The following XKR6 variants were observed in gnomAD, a reference collection of about 807,000 sequenced individuals.
XKR6 encodes the protein XK related 6.
In XKR6, 22 loss-of-function variants were observed where a neutral mutation model predicts 56.7. The observed-to-expected ratio is 0.39, with a 90% CI of 0.28 to 0.55. The LOEUF is 0.55. XKR6 is among the 20% of genes least tolerant of loss of function. The probability of loss-of-function intolerance (pLI) is 0.66; values close to 1 mark genes in which losing one functional copy is unlikely to be tolerated. For synonymous variants in XKR6, 524 were observed against 387.8 expected (o/e 1.35, Z -4.13); for missense variants, 852 against 889.0 (o/e 0.96, Z 0.53).
intron 1 of XKR6, among the ~76,000 whole-genome samples, chr8:11,151,901 T>C (rs890444487): frequency 6.6e-6 from 1 of 152,116 alleles, no homozygotes; most frequent in Non-Finnish European, 1.5e-5. Flanking sequence ...AATGGGATCA[T>C]TCTTAGTACT....
intron 1 of XKR6, among the ~76,000 whole-genome samples, chr8:11,093,532 C>T (rs1798154876): frequency 6.6e-6 from 1 of 152,212 alleles, no homozygotes; most frequent in Non-Finnish European, 1.5e-5. Context: ...CGGCCACATC[C>T]TTAGTCTCTT....
At chr8:11,142,158 C>G (rs1389952754) in intron 1 of XKR6, among the ~76,000 whole-genome samples, 2 of 152,108 alleles carry the variant, frequency 1.3e-5, no homozygotes, top group Non-Finnish European at 1.5e-5. Context: ...TGGGAAGGCA[C>G]AGAAGCAATG....
chr8:10,951,335 G>A (rs1244761367), intron 1 of XKR6, among the ~76,000 whole-genome samples: 1 of 138,930 alleles, frequency 7.2e-6, no homozygotes, highest in African/African-American at 2.6e-5. Context: ...ACAGGGGAAC[G>A]CACACCAGAA....
intron 1 of XKR6, among the ~76,000 whole-genome samples, chr8:11,072,780 G>A (rs369125121): frequency 6.6e-6 from 1 of 152,176 alleles, no homozygotes; most frequent in Non-Finnish European, 1.5e-5. Flanking sequence ...GCCAGGCAAG[G>A]TAGCTCAAGC....
At chr8:11,157,083 C>G (rs1273402826) in intron 1 of XKR6, among the ~76,000 whole-genome samples, 2 of 152,130 alleles carry the variant, frequency 1.3e-5, no homozygotes, top group African/African-American at 4.8e-5. Flanking sequence ...AATCCATAGC[C>G]CAGCCTAATA....
rs368637098 is a variant in XKR6, at chr8:11,165,622, G to C, written c.764+34954C>G. Among the ~76,000 whole-genome samples the C allele has an allele frequency of 1.1e-3, 164 of 152,228 alleles. 6 individuals are homozygous for C. The South Asian group carries it at 0.033, about 31-fold the overall frequency. ...TCTTTTTCTAGTTTTCCTCTACTCA[G>C]TCTTCAAAATAAATGCAGTGTATTA... On this transcript the variant is annotated intron_variant, in intron 1 of 2. Coordinates refer to ENST00000416569, the MANE Select transcript of XKR6 (RefSeq NM_173683.4).
chr8:11,190,264 G>A (rs997859967), intron 1 of XKR6, among the ~76,000 whole-genome samples: 3 of 150,704 alleles, frequency 2.0e-5, no homozygotes, highest in Admixed American at 6.6e-5. Context: ...AGAAAGGAAA[G>A]GAAAAGAAAA....
chr8:11,135,800 T>C (rs1563164164), intron 1 of XKR6, among the ~76,000 whole-genome samples: 1 of 150,030 alleles, frequency 6.7e-6, no homozygotes, highest in Non-Finnish European at 1.5e-5. Context: ...AAATTCAAGA[T>C]CTAAATAATT....
At chr8:11,160,093 T>C (rs769895192) in intron 1 of XKR6, among the ~76,000 whole-genome samples, 23 of 152,088 alleles carry the variant, frequency 1.5e-4, no homozygotes, top group Non-Finnish European at 1.5e-5. Flanking sequence ...TTGTTAATCA[T>C]CGTGAGGAAA....
intron 1 of XKR6, among the ~76,000 whole-genome samples, chr8:11,143,282 G>A (rs1210676929): frequency 6.6e-6 from 1 of 152,172 alleles, no homozygotes; most frequent in Non-Finnish European, 1.5e-5. Flanking sequence ...CAGTAGTACT[G>A]TGCCTGTGAA....
chr8:10,926,665 G>A (rs192482844), intron 1 of XKR6, among the ~76,000 whole-genome samples: 6 of 152,342 alleles, frequency 3.9e-5, no homozygotes, highest in South Asian at 4.1e-4. Flanking sequence ...CCCACCTTGC[G>A]GGTCAGGTCT....
At chr8:11,120,882 G>A (rs999089314) in intron 1 of XKR6, among the ~76,000 whole-genome samples, 14 of 152,018 alleles carry the variant, frequency 9.2e-5, no homozygotes, top group East Asian at 1.9e-4. Flanking sequence ...AAATAATGCC[G>A]CATATCTACA....
chr8:11,184,418 C>A (rs573938934), intron 1 of XKR6, among the ~76,000 whole-genome samples: 112 of 142,938 alleles, frequency 7.8e-4, no homozygotes, highest in African/African-American at 2.9e-3. Flanking sequence ...CACACACACA[C>A]ACTTATATTA....
intron 1 of XKR6, among the ~76,000 whole-genome samples, chr8:11,071,531 G>C (rs1228347143): frequency 1.4e-5 from 2 of 139,462 alleles, no homozygotes; most frequent in Non-Finnish European, 3.1e-5. Flanking sequence ...GAGTCCATGA[G>C]CCCCGAGTCT....
chr8:10,924,358 C>T (rs1361970219), intron 2 of XKR6, among the ~76,000 whole-genome samples: 1 of 152,264 alleles, frequency 6.6e-6, no homozygotes, highest in African/African-American at 2.4e-5. Context: ...ATGGGGAGAC[C>T]CAGAGCCCTC....
intron 1 of XKR6, among the ~76,000 whole-genome samples, chr8:10,967,914 C>G (rs867240218): frequency 6.6e-6 from 1 of 152,154 alleles, no homozygotes; most frequent in Non-Finnish European, 1.5e-5. Flanking sequence ...CAGGCTGCCT[C>G]GGCTCTGCAC....
At chr8:11,199,570 A>G (rs889801144) in intron 1 of XKR6, among the ~76,000 whole-genome samples, 3 of 152,142 alleles carry the variant, frequency 2.0e-5, no homozygotes, top group African/African-American at 7.2e-5. Context: ...AAATGCTCTC[A>G]CCTACAACTC....
At chr8:11,135,389 A>G (rs1800335901) in intron 1 of XKR6, among the ~76,000 whole-genome samples, 1 of 152,150 alleles carries the variant, frequency 6.6e-6, no homozygotes, top group African/African-American at 2.4e-5. Context: ...TGTAATTTAG[A>G]ATCTACCCCA....
chr8:11,195,253 G>A (rs1803810700), intron 1 of XKR6: 2 of 689,832 alleles, frequency 2.9e-6, no homozygotes, highest in Non-Finnish European at 5.3e-6. Flanking sequence ...TCACCCTAGT[G>A]TTTTTACAGT....
Sources: gnomAD v4.1 joint callset for allele counts (sites outside exome capture counted in the v4.1 genomes callset) on GRCh38, gnomAD v4.1.1 for gene constraint, MANE v1.5 for transcripts, NCBI Gene and HGNC (gene_info 2026-07-23, HGNC 2026-07-21) for gene names.